The following CTNNA3 variants were observed in gnomAD, a reference collection of about 807,000 sequenced individuals.
The protein encoded by CTNNA3 is catenin alpha-3.
CTNNA3 carries 76 observed loss-of-function variants against 95.7 expected under a neutral mutation model. That is an observed-to-expected ratio of 0.79 (90% CI 0.66 to 0.96). CTNNA3 has a LOEUF of 0.96. Among genes scored for constraint, CTNNA3 ranks in the 40% least tolerant of loss-of-function variants. The pLI is 0.00. For synonymous variants in CTNNA3, 431 were observed against 374.4 expected (o/e 1.15, Z -1.74); for missense variants, 1,191 against 1,089.8 (o/e 1.09, Z -1.31).
intron 11 of CTNNA3, among the ~76,000 whole-genome samples, chr10:66,445,592 G>C (rs954537774): frequency 6.6e-6 from 1 of 151,804 alleles, no homozygotes; most frequent in African/African-American, 2.4e-5. Flanking sequence ...ATAACAAAAT[G>C]AAGGCAGAAA....
intron 1 of CTNNA3, among the ~76,000 whole-genome samples, chr10:67,740,083 G>T (rs186143845): frequency 2.0e-5 from 3 of 152,266 alleles, no homozygotes; most frequent in Admixed American, 2.0e-4. Flanking sequence ...AATAAATGGT[G>T]CTGAGAAAAC....
At chr10:67,137,744 GT>G (rs551512412) in intron 7 of CTNNA3, among the ~76,000 whole-genome samples, 88 of 152,064 alleles carry the variant, frequency 5.8e-4, no homozygotes, top group African/African-American at 1.9e-3. Context: ...GAATAAATAT[GT>G]TTAATTAAAT....
At chr10:66,073,047 C>T (rs564932048) in intron 14 of CTNNA3, among the ~76,000 whole-genome samples, 2 of 152,064 alleles carry the variant, frequency 1.3e-5, no homozygotes, top group East Asian at 3.9e-4. Context: ...TACCACATGA[C>T]CTCACTCATA....
At chr10:67,632,128 A>C (rs750756501) in intron 2 of CTNNA3, among the ~76,000 whole-genome samples, 17 of 98,754 alleles carry the variant, frequency 1.7e-4, no homozygotes, top group Non-Finnish European at 3.3e-4. Context: ...TGTCTTAGCC[A>C]CACACACACA....
chr10:67,471,692 G>T (rs540379525), intron 5 of CTNNA3, among the ~76,000 whole-genome samples: 1 of 152,166 alleles, frequency 6.6e-6, no homozygotes, highest in Non-Finnish European at 1.5e-5. Context: ...AGTTAAATCG[G>T]GAGTGGATGT....
intron 9 of CTNNA3, among the ~76,000 whole-genome samples, chr10:66,757,120 C>A (rs1839391607): frequency 6.6e-6 from 1 of 152,088 alleles, no homozygotes. Context: ...CGAGTAGAGG[C>A]CAACCCCTTT....
intron 9 of CTNNA3, among the ~76,000 whole-genome samples, chr10:66,706,834 G>GA (rs1252308017): frequency 6.6e-6 from 1 of 151,762 alleles, no homozygotes; most frequent in African/African-American, 2.4e-5. Flanking sequence ...ACACCATAAG[G>GA]AAAAAAATAT....
At chr10:67,027,436 C>CTTT (rs5785811) in intron 7 of CTNNA3, among the ~76,000 whole-genome samples, 8,644 of 134,306 alleles carry the variant, frequency 0.064, 445 homozygotes, top group Non-Finnish European at 0.079. Flanking sequence ...TCTTTCATGA[C>CTTT]TTTTTTTTTT....
chr10:66,024,084 C>CTTTTTTTT (rs1183185763), intron 15 of CTNNA3, among the ~76,000 whole-genome samples: 2 of 62,684 alleles, frequency 3.2e-5, no homozygotes, highest in African/African-American at 5.2e-5. Context: ...ATACCATACA[C>CTTTTTTTT]ATTTTTTTTT....
At chr10:66,827,792 G>A (rs760683942) in intron 7 of CTNNA3, among the ~76,000 whole-genome samples, 10 of 152,182 alleles carry the variant, frequency 6.6e-5, no homozygotes, top group Non-Finnish European at 1.0e-4. Flanking sequence ...ATTAAGTAAA[G>A]TATTCCATTT....
chr10:67,680,325 C>T (rs10823076), intron 1 of CTNNA3, among the ~76,000 whole-genome samples: 18,712 of 152,198 alleles, frequency 0.12, 1,312 homozygotes, highest in Non-Finnish European at 0.16. Flanking sequence ...TTGTATGCCT[C>T]ACTAGGGACT....
At chr10:66,993,649 G>A (rs1444189916) in intron 7 of CTNNA3, among the ~76,000 whole-genome samples, 1 of 147,228 alleles carries the variant, frequency 6.8e-6, no homozygotes, top group Non-Finnish European at 1.5e-5. Flanking sequence ...TTCAACAAAT[G>A]TTTATTGAGT....
At chr10:67,620,923 G>GTGTGTATATATATATA (rs1402402526) in intron 2 of CTNNA3, among the ~76,000 whole-genome samples, 4 of 123,806 alleles carry the variant, frequency 3.2e-5, no homozygotes, top group Non-Finnish European at 6.8e-5. Flanking sequence ...GTGTGTGTGT[G>GTGTGTATATATATATA]TATATATATA....
intron 7 of CTNNA3, among the ~76,000 whole-genome samples, chr10:67,078,212 T>C (rs1248655639): frequency 6.6e-6 from 1 of 152,166 alleles, no homozygotes; most frequent in Non-Finnish European, 1.5e-5. Context: ...GTAAACATCC[T>C]CAAATGGGCA....
chr10:67,635,992 C>G (rs1564798458), intron 2 of CTNNA3, among the ~76,000 whole-genome samples: 1 of 152,064 alleles, frequency 6.6e-6, no homozygotes, highest in African/African-American at 2.4e-5. Flanking sequence ...AATCACCGTG[C>G]AAAAATTGCT....
chr10:66,178,161 A>G (rs2085820095), intron 13 of CTNNA3, among the ~76,000 whole-genome samples: 1 of 151,576 alleles, frequency 6.6e-6, no homozygotes, highest in East Asian at 1.9e-4. Flanking sequence ...TACTTGAAAA[A>G]CTAAATATAA....
At chr10:67,558,764 A>T (rs1455473656) in intron 3 of CTNNA3, among the ~76,000 whole-genome samples, 1 of 152,222 alleles carries the variant, frequency 6.6e-6, no homozygotes, top group Non-Finnish European at 1.5e-5. Flanking sequence ...GGCACCTGGA[A>T]AATCGGGTCA....
chr10:67,418,965 A>G (rs1244215704), intron 5 of CTNNA3, among the ~76,000 whole-genome samples: 1 of 151,482 alleles, frequency 6.6e-6, no homozygotes, highest in African/African-American at 2.4e-5. Flanking sequence ...CATGATAAAT[A>G]TACATAATGT....
chr10:66,072,746 C>A (rs2080467512), intron 14 of CTNNA3, among the ~76,000 whole-genome samples: 1 of 152,076 alleles, frequency 6.6e-6, no homozygotes. Flanking sequence ...TCCTCCATCT[C>A]CCCTTATCTG....
Sources: gnomAD v4.1 joint callset for allele counts (sites outside exome capture counted in the v4.1 genomes callset) on GRCh38, gnomAD v4.1.1 for gene constraint, MANE v1.5 for transcripts, NCBI Gene and HGNC (gene_info 2026-07-23, HGNC 2026-07-21) for gene names.